VAV3: variants seen among roughly 807,000 people sequenced by gnomAD.
VAV3 encodes the protein vav guanine nucleotide exchange factor 3, also known as guanine nucleotide exchange factor VAV3.
Under a neutral mutation model 131.2 loss-of-function variants are expected in VAV3, and 94 were observed. The observed-to-expected ratio is 0.72, with a 90% CI of 0.61 to 0.85. VAV3 has a LOEUF of 0.85. Ranked by LOEUF, VAV3 falls within the 40% of genes least tolerant of loss-of-function variation. The pLI is 0.00. For missense variants in VAV3, 939 were observed against 1,002.7 expected (o/e 0.94, Z 0.86); for synonymous variants, 349 against 342.0 (o/e 1.02, Z -0.22).
chr1:107,836,337 C>A (rs1035828154), intron 2 of VAV3, among the ~76,000 whole-genome samples: 4 of 151,968 alleles, frequency 2.6e-5, no homozygotes, highest in African/African-American at 9.7e-5. Context: ...TTAAGGTAAA[C>A]AACAAAATGA....
intron 25 of VAV3, among the ~76,000 whole-genome samples, chr1:107,590,696 T>C (rs1422657772): frequency 6.6e-6 from 1 of 152,170 alleles, no homozygotes; most frequent in Non-Finnish European, 1.5e-5. Flanking sequence ...TTGCCAGTTG[T>C]CCAAAGCAAA....
intron 1 of VAV3, among the ~76,000 whole-genome samples, chr1:107,926,752 C>T (rs563471911): frequency 6.6e-6 from 1 of 152,270 alleles, no homozygotes; most frequent in South Asian, 2.1e-4. Flanking sequence ...GTATTTAAAC[C>T]AGCCCTGGCC....
chr1:107,830,524 C>T (rs1401952727), intron 2 of VAV3, among the ~76,000 whole-genome samples: 1 of 152,128 alleles, frequency 6.6e-6, no homozygotes, highest in Non-Finnish European at 1.5e-5. Context: ...CTACCTCTCA[C>T]TTCACAGGTA....
chr1:107,637,482 G>A (rs183315315), intron 20 of VAV3, among the ~76,000 whole-genome samples: 62 of 152,190 alleles, frequency 4.1e-4, no homozygotes, highest in African/African-American at 1.4e-3. Flanking sequence ...AATTAGCCGG[G>A]CATGGTGACG....
chr1:107,831,603 C>T (rs1668251089), intron 2 of VAV3, among the ~76,000 whole-genome samples: 1 of 152,104 alleles, frequency 6.6e-6, no homozygotes, highest in Non-Finnish European at 1.5e-5. Context: ...TGATTTTCTG[C>T]CCTTTTGTTC....
At chr1:107,699,588 C>T (rs781075994) in intron 17 of VAV3, among the ~76,000 whole-genome samples, 4 of 152,202 alleles carry the variant, frequency 2.6e-5, no homozygotes, top group African/African-American at 4.8e-5. Context: ...GTGGGAGCTC[C>T]AACCCCACAT....
chr1:107,686,061 A>C (rs1659010309), intron 18 of VAV3: 1 of 150,546 alleles, frequency 6.6e-6, no homozygotes, highest in African/African-American at 2.4e-5. Context: ...CAGGAACCAA[A>C]CTCAATTCTA....
chr1:107,764,580 T>A (rs952359942), intron 9 of VAV3, among the ~76,000 whole-genome samples: 1 of 152,228 alleles, frequency 6.6e-6, no homozygotes, highest in Non-Finnish European at 1.5e-5. Context: ...AGTGCAATGG[T>A]GCAACCATAG....
intron 17 of VAV3, among the ~76,000 whole-genome samples, chr1:107,695,100 A>G (rs1254916517): frequency 6.6e-6 from 1 of 152,196 alleles, no homozygotes; most frequent in African/African-American, 2.4e-5. Flanking sequence ...ATACACAGAC[A>G]TAAAAAAACT....
At chr1:107,841,266 A>G (rs144596394) in intron 2 of VAV3, among the ~76,000 whole-genome samples, 46 of 152,274 alleles carry the variant, frequency 3.0e-4, no homozygotes, top group African/African-American at 1.1e-3. Context: ...AACAAAGTTC[A>G]TATTCTGGTG....
intron 2 of VAV3, among the ~76,000 whole-genome samples, chr1:107,811,428 C>T (rs1351569716): frequency 1.3e-5 from 2 of 152,122 alleles, no homozygotes; most frequent in African/African-American, 4.8e-5. Context: ...AAAAGCCTCA[C>T]ATAGAAAAGC....
chr1:107,624,010 A>G (rs974661148), intron 20 of VAV3, among the ~76,000 whole-genome samples: 1 of 152,216 alleles, frequency 6.6e-6, no homozygotes. Context: ...GAGTCATCAA[A>G]ATACATGACA....
intron 1 of VAV3, among the ~76,000 whole-genome samples, chr1:107,877,389 C>T (rs984620691): frequency 6.6e-6 from 1 of 152,178 alleles, no homozygotes; most frequent in Non-Finnish European, 1.5e-5. Flanking sequence ...ATTGCACACA[C>T]CACGCTCTGA....
At chr1:107,723,297 TC>T (rs1376371279) in intron 15 of VAV3, among the ~76,000 whole-genome samples, 1 of 152,084 alleles carries the variant, frequency 6.6e-6, no homozygotes, top group African/African-American at 2.4e-5. Context: ...TGTCACAGCC[TC>T]CCCTGACTTG....
Position 107,811,038 on chromosome 1 carries a change from A to G in VAV3, c.322-31546T>C, listed in dbSNP as rs188551925. 1.1e-3 allele frequency among the ~76,000 whole-genome samples: 162 copies of G among 152,340 alleles called. 1 individual carries two copies. Among genetic ancestry groups the G allele is most frequent in the Non-Finnish European group, 2.0e-3 (138 of 68,032 alleles). On this transcript the variant is annotated intron_variant, in intron 2 of 26. Transcript: ENST00000370056. ...GGGACATGTGGATAGTTCAACTTTC[A>G]GAAGTCCTTTCTCTACTCATGAAGG...
intron 1 of VAV3, among the ~76,000 whole-genome samples, chr1:107,917,720 G>A (rs1359173848): frequency 3.9e-5 from 6 of 152,114 alleles, no homozygotes; most frequent in African/African-American, 1.4e-4. Context: ...GAGTATCCCT[G>A]ATCTGAAATG....
chr1:107,703,642 C>T (rs953393550), intron 17 of VAV3, among the ~76,000 whole-genome samples: 2 of 152,248 alleles, frequency 1.3e-5, no homozygotes, highest in Admixed American at 6.5e-5. Flanking sequence ...AACTCAGCTC[C>T]GAAATGAGCT....
chr1:107,581,940 T>G (rs1650082912), intron 25 of VAV3, among the ~76,000 whole-genome samples: 1 of 152,230 alleles, frequency 6.6e-6, no homozygotes, highest in South Asian at 2.1e-4. Flanking sequence ...TCAGAGAACA[T>G]TACCCTAAGT....
chr1:107,705,138 T>C (rs1660365819), intron 15 of VAV3, 77 bp from the exon 16 acceptor site: 2 of 1,135,564 alleles, frequency 1.8e-6, no homozygotes, highest in Non-Finnish European at 2.6e-6. Flanking sequence ...AACCCTAAAT[T>C]CATCAAAATG....
Sources: gnomAD v4.1 joint callset for allele counts (sites outside exome capture counted in the v4.1 genomes callset) on GRCh38, gnomAD v4.1.1 for gene constraint, MANE v1.5 for transcripts, NCBI Gene and HGNC (gene_info 2026-07-23, HGNC 2026-07-21) for gene names.